Variants in PCYT1B observed in about 807,000 individuals in gnomAD.
PCYT1B encodes the protein phosphate cytidylyltransferase 1B, choline, also known as choline-phosphate cytidylyltransferase B.
In PCYT1B, 10 loss-of-function variants were observed where a neutral mutation model predicts 26.4. The observed-to-expected ratio is 0.38, with a 90% CI of 0.23 to 0.64. PCYT1B has a LOEUF of 0.64. Ranked by LOEUF, PCYT1B falls within the 30% of genes least tolerant of loss-of-function variation. The probability of loss-of-function intolerance (pLI) is 0.56; values close to 1 mark genes in which losing one functional copy is unlikely to be tolerated. For synonymous variants in PCYT1B, 131 were observed against 108.4 expected (o/e 1.21, Z -1.29); for missense variants, 161 against 292.7 (o/e 0.55, Z 3.28).
At chrX:24,563,876 G>A (rs1923522765) in intron 7 of PCYT1B, among the ~76,000 whole-genome samples, 1 of 111,598 alleles carries the variant, frequency 9.0e-6, no homozygotes, top group Admixed American at 9.5e-5. Context: ...GCCCACTTAT[G>A]AGCCCGTTGC....
At chrX:24,672,725 A>T, upstream of PCYT1B, 2 of 690,645 alleles carry the variant, frequency 2.9e-6, no homozygotes, top group Non-Finnish European at 4.5e-6. Flanking sequence ...TCACTTGACC[A>T]AAGGTCAAGC....
At chrX:24,579,695 G>C (rs1259120237) in intron 5 of PCYT1B, among the ~76,000 whole-genome samples, 1 of 110,944 alleles carries the variant, frequency 9.0e-6, no homozygotes, top group African/African-American at 3.3e-5. Flanking sequence ...GTACTTGCCT[G>C]GCCCCTGCTG....
chrX:24,653,188 G>T (rs185090396), intron 1 of PCYT1B, among the ~76,000 whole-genome samples: 1 of 111,744 alleles, frequency 8.9e-6, no homozygotes, highest in Non-Finnish European at 1.9e-5. Flanking sequence ...TGACAAAACC[G>T]CAATTACTTT....
chrX:24,620,406 C>T (rs1925664690), intron 1 of PCYT1B, among the ~76,000 whole-genome samples: 1 of 111,570 alleles, frequency 9.0e-6, no homozygotes, highest in Admixed American at 9.5e-5. Context: ...TCCCAGTTAT[C>T]TGAGATTTTC....
intron 1 of PCYT1B, among the ~76,000 whole-genome samples, chrX:24,669,684 T>G (rs1442081637): frequency 9.1e-6 from 1 of 109,863 alleles, no homozygotes; most frequent in Non-Finnish European, 1.9e-5. Flanking sequence ...GAACCCAAAT[T>G]CCAGCTCTAT....
chrX:24,599,516 G>T, intron 3 of PCYT1B, among the ~76,000 whole-genome samples: 1 of 111,596 alleles, frequency 9.0e-6, no homozygotes, highest in Non-Finnish European at 1.9e-5. Flanking sequence ...ACATCTCCAG[G>T]TACATACTAT....
chrX:24,606,954 CT>C (rs1324925070), intron 3 of PCYT1B, among the ~76,000 whole-genome samples: 5 of 112,084 alleles, frequency 4.5e-5, no homozygotes, highest in African/African-American at 1.3e-4. Flanking sequence ...CTTACCAGTA[CT>C]TTTTTCCCCC....
intron 5 of PCYT1B, 112 bp from the exon 6 acceptor site, chrX:24,579,570 A>G: frequency 4.4e-6 from 3 of 677,423 alleles, no homozygotes; most frequent in Non-Finnish European, 6.9e-6. Flanking sequence ...GGGTATGCCA[A>G]TGAAGACTTT....
At chrX:24,596,684 T>C (rs771365612) in intron 3 of PCYT1B, among the ~76,000 whole-genome samples, 1 of 110,476 alleles carries the variant, frequency 9.1e-6, no homozygotes, top group Non-Finnish European at 1.9e-5. Context: ...AGAAATAGAC[T>C]ATAGTACCTC....
At chrX:24,671,761 G>T (rs758740278) in intron 1 of PCYT1B, among the ~76,000 whole-genome samples, 1 of 111,033 alleles carries the variant, frequency 9.0e-6, no homozygotes, top group Non-Finnish European at 1.9e-5. Context: ...CATCATCTGG[G>T]GTCCTTCTTA....
At chrX:24,592,190 T>C (rs1924590368) in intron 3 of PCYT1B, among the ~76,000 whole-genome samples, 1 of 112,197 alleles carries the variant, frequency 8.9e-6, no homozygotes, top group Non-Finnish European at 1.9e-5. Context: ...AATCCTGTCA[T>C]TTATGGCAAC....
At chrX:24,637,509 T>TATATATATATATATATATATAAAA (rs779316769) in intron 1 of PCYT1B, among the ~76,000 whole-genome samples, 3 of 64,070 alleles carry the variant, frequency 4.7e-5, no homozygotes, top group East Asian at 9.9e-4. Context: ...TATATATATA[T>TATATATATATATATATATATAAAA]ATAAATTAGC....
At chrX:24,655,076 G>T (rs1317441349) in intron 1 of PCYT1B, among the ~76,000 whole-genome samples, 2 of 111,673 alleles carry the variant, frequency 1.8e-5, no homozygotes, top group Non-Finnish European at 3.8e-5. Flanking sequence ...CCCTCCCTTG[G>T]TGCTTTTACA....
intron 7 of PCYT1B, among the ~76,000 whole-genome samples, chrX:24,563,488 A>C (rs993840284): frequency 4.5e-5 from 5 of 111,999 alleles, no homozygotes; most frequent in African/African-American, 1.6e-4. Flanking sequence ...GAGGGCTGAT[A>C]GATGGGGAGG....
At chrX:24,639,423 C>T (rs768054019) in intron 1 of PCYT1B, among the ~76,000 whole-genome samples, 1 of 112,049 alleles carries the variant, frequency 8.9e-6, no homozygotes, top group South Asian at 3.7e-4. Flanking sequence ...GCTAGTTCAG[C>T]TCTCCCTGGC....
chrX:24,643,403 A>G (rs1926526215), intron 1 of PCYT1B, among the ~76,000 whole-genome samples: 1 of 112,217 alleles, frequency 8.9e-6, no homozygotes, highest in African/African-American at 3.2e-5. Flanking sequence ...AGAACTGAAA[A>G]CAAGTCAAGA....
In PCYT1B at chrX:24,573,133, T is replaced by TACACACAC. The variant is rs768268080; in HGVS notation, c.897+1989_897+1996dup. ...ATATACCCACACATATACACACACA[T>TACACACAC]ACACACACACACACACACACACACA... On this transcript the variant is annotated intron_variant, in intron 7 of 7. Transcript: ENST00000379144. Among the ~76,000 whole-genome samples, 157 of 93,231 alleles carry TACACACAC rather than the reference T, an allele frequency of 1.7e-3. 1 individual carries two copies. Among genetic ancestry groups the TACACACAC allele is most frequent in the African/African-American group, 6.1e-3 (154 of 25,060 alleles). 81.0% of individuals were successfully genotyped at this position (93,231 alleles called of 115,157 possible).
chrX:24,623,698 A>G (rs1443388647), intron 1 of PCYT1B, among the ~76,000 whole-genome samples: 1 of 111,548 alleles, frequency 9.0e-6, no homozygotes, highest in Non-Finnish European at 1.9e-5. Context: ...AAGACATTAT[A>G]TGTTGAGCAT....
chrX:24,607,896 C>T (rs187508005), intron 2 of PCYT1B, 35 bp from the exon 3 acceptor site: 1 of 787,269 alleles, frequency 1.3e-6, no homozygotes, highest in East Asian at 3.2e-5. Context: ...AACAGAACTG[C>T]AGAATGAGGA....
Sources: allele counts gnomAD v4.1 joint callset (sites outside exome capture counted in the v4.1 genomes callset), GRCh38; gene constraint gnomAD v4.1.1; transcripts MANE v1.5; gene names NCBI Gene and HGNC (gene_info 2026-07-23, HGNC 2026-07-21).